ANO10: variants seen among roughly 807,000 people sequenced by gnomAD.
The protein encoded by ANO10 is anoctamin-10.
In ANO10, 77 loss-of-function variants were observed where a neutral mutation model predicts 74.7. That is an observed-to-expected ratio of 1.03 (90% CI 0.86 to 1.25). The LOEUF (loss-of-function observed/expected upper bound fraction) is 1.25. Among genes scored for constraint, ANO10 ranks in the 50% most tolerant of loss-of-function variants. ANO10 has a pLI of 0.00. For missense variants in ANO10, 721 were observed against 778.1 expected, an observed-to-expected ratio of 0.93 and a Z score of 0.87; for synonymous variants, 279 against 284.9, an observed-to-expected ratio of 0.98 and a Z score of 0.21.
chr3:43,464,327 T>C (rs1226162939), intron 11 of ANO10, among the ~76,000 whole-genome samples: 3 of 152,136 alleles, frequency 2.0e-5, no homozygotes, highest in African/African-American at 7.2e-5. Flanking sequence ...TAGCAAAATA[T>C]TAGAACATCA....
chr3:43,535,248 A>C lies in ANO10; in HGVS notation c.1797+14472T>G, dbSNP rs370416992. ...CAAAGCTCTGGGATTACAGAAGTAA[A>C]CCACCATACCTAGACATTCTTTTTT... On this transcript the variant is annotated intron_variant, in intron 11 of 12. Transcript: ENST00000292246. 2.2e-4 allele frequency among the ~76,000 whole-genome samples: 32 copies of C among 146,274 alleles called. 1 individual carries two copies. The East Asian group carries it at 5.0e-3, about 23-fold the overall frequency.
At chr3:43,551,717 G>T in intron 10 of ANO10, 1 of 343,384 alleles carries the variant, frequency 2.9e-6, no homozygotes, top group Non-Finnish European at 5.7e-6. Context: ...TTTTTGCACA[G>T]ATGTCTATTT....
At chr3:43,665,915 G>T (rs953369809) in intron 1 of ANO10, among the ~76,000 whole-genome samples, 1 of 152,050 alleles carries the variant, frequency 6.6e-6, no homozygotes, top group Non-Finnish European at 1.5e-5. Context: ...TTATAAAGAG[G>T]TTTCAGCATG....
intron 11 of ANO10, among the ~76,000 whole-genome samples, chr3:43,535,068 G>C (rs1258753794): frequency 2.6e-5 from 4 of 151,602 alleles, no homozygotes; most frequent in African/African-American, 9.7e-5. Flanking sequence ...TCGCCTCCCA[G>C]GTTCAAGCGA....
intron 1 of ANO10, among the ~76,000 whole-genome samples, chr3:43,638,516 TC>T (rs2083636324): frequency 6.6e-6 from 1 of 152,224 alleles, no homozygotes; most frequent in Admixed American, 6.5e-5. Context: ...TTGTGACAAA[TC>T]TTTTTTCTAC....
chr3:43,550,134 G>A (rs1251984659), intron 10 of ANO10, among the ~76,000 whole-genome samples: 1 of 152,024 alleles, frequency 6.6e-6, no homozygotes, highest in Non-Finnish European at 1.5e-5. Flanking sequence ...TACTGTTAAA[G>A]TTACTCTACT....
At chr3:43,653,425 T>C (rs577356161) in intron 1 of ANO10, among the ~76,000 whole-genome samples, 1 of 152,304 alleles carries the variant, frequency 6.6e-6, no homozygotes, top group South Asian at 2.1e-4. Context: ...AAAATACACA[T>C]GGCTGCATAG....
At chr3:43,486,506 T>A (rs2076495755) in intron 11 of ANO10, among the ~76,000 whole-genome samples, 1 of 150,608 alleles carries the variant, frequency 6.6e-6, no homozygotes, top group African/African-American at 2.4e-5. Context: ...GTAGTTCTCC[T>A]TGAAGAAGTC....
chr3:43,598,402 G>T (rs2082185923), intron 4 of ANO10, 130 bp downstream of exon 4: 12 of 912,746 alleles, frequency 1.3e-5, no homozygotes, highest in Admixed American at 2.7e-5. Context: ...GTTCCAAAGG[G>T]AAAAGATATG....
chr3:43,394,338 A>G (rs1034535025), intron 12 of ANO10, among the ~76,000 whole-genome samples: 5 of 152,074 alleles, frequency 3.3e-5, no homozygotes, highest in Non-Finnish European at 5.9e-5. Flanking sequence ...GTCCAGCTCT[A>G]TCCTCTATGG....
intron 11 of ANO10, among the ~76,000 whole-genome samples, chr3:43,515,126 A>C (rs2077656239): frequency 6.6e-6 from 1 of 152,234 alleles, no homozygotes; most frequent in Non-Finnish European, 1.5e-5. Context: ...CTGATTTTTC[A>C]GAAGATCTAT....
chr3:43,538,751 C>T (rs6795944), intron 11 of ANO10, among the ~76,000 whole-genome samples: 21,033 of 152,066 alleles, frequency 0.14, 1,802 homozygotes, highest in African/African-American at 0.23. Flanking sequence ...GGATGGAGAA[C>T]GGCCTGCTGT....
chr3:43,689,274 A>T (rs7623007), intron 1 of ANO10: 1 of 151,962 alleles, frequency 6.6e-6, no homozygotes, highest in Non-Finnish European at 1.5e-5. Flanking sequence ...AGGTCAAAAC[A>T]ACCTTAGTCT....
intron 12 of ANO10, among the ~76,000 whole-genome samples, chr3:43,395,267 GAAGTTTTAAATTTT>G (rs2092355452): frequency 6.6e-6 from 1 of 152,204 alleles, no homozygotes; most frequent in South Asian, 2.1e-4. Context: ...TGGAAGGGCA[GAAGTTTTAAATTTT>G]GATGAAGTGT....
intron 11 of ANO10, among the ~76,000 whole-genome samples, chr3:43,540,073 A>T (rs1297803389): frequency 6.6e-6 from 1 of 152,224 alleles, no homozygotes; most frequent in African/African-American, 2.4e-5. Context: ...TTACTTGACA[A>T]ACTTAAAATC....
intron 11 of ANO10, among the ~76,000 whole-genome samples, chr3:43,545,147 A>G (rs184165482): frequency 6.6e-6 from 1 of 152,242 alleles, no homozygotes; most frequent in Admixed American, 6.5e-5. Flanking sequence ...CTGCTCTTAT[A>G]GGGGCCATGA....
intron 11 of ANO10, among the ~76,000 whole-genome samples, chr3:43,509,017 A>G (rs905439669): frequency 6.6e-6 from 1 of 151,864 alleles, no homozygotes; most frequent in African/African-American, 2.4e-5. Context: ...GCACATATAC[A>G]TCATGGAATA....
chr3:43,567,662 T>C (rs1316239666), intron 7 of ANO10, among the ~76,000 whole-genome samples: 3 of 151,746 alleles, frequency 2.0e-5, no homozygotes, highest in Admixed American at 6.6e-5. Flanking sequence ...CAGGCCTGCC[T>C]TACAAGAGCT....
intron 1 of ANO10, among the ~76,000 whole-genome samples, chr3:43,679,532 A>C (rs1350254307): frequency 1.3e-5 from 2 of 152,166 alleles, no homozygotes; most frequent in East Asian, 1.9e-4. Flanking sequence ...TAGCCAAACA[A>C]AAGGCAGCAG....
Sources: allele counts gnomAD v4.1 joint callset (sites outside exome capture counted in the v4.1 genomes callset), GRCh38; gene constraint gnomAD v4.1.1; transcripts MANE v1.5; gene names NCBI Gene and HGNC (gene_info 2026-07-23, HGNC 2026-07-21).